The following MTHFD1L variants were observed in gnomAD, a reference collection of about 807,000 sequenced individuals.
The protein encoded by MTHFD1L is methylenetetrahydrofolate dehydrogenase (NADP+ dependent) 1 like.
A neutral mutation model predicts 119.5 loss-of-function variants in MTHFD1L; 81 were observed. The ratio of observed to expected loss-of-function variants is 0.68; its 90% confidence interval spans 0.57 to 0.82. MTHFD1L has a LOEUF of 0.82. MTHFD1L is among the 40% of genes least tolerant of loss of function. The pLI is 0.00. For missense variants in MTHFD1L, 1,125 were observed against 1,253.4 expected, an observed-to-expected ratio of 0.90 and a Z score of 1.55; for synonymous variants, 430 against 475.2, an observed-to-expected ratio of 0.90 and a Z score of 1.24.
At chr6:150,876,542 A>G (rs1780476252) in intron 2 of MTHFD1L, among the ~76,000 whole-genome samples, 1 of 152,246 alleles carries the variant, frequency 6.6e-6, no homozygotes, top group African/African-American at 2.4e-5. Flanking sequence ...CACAGATGCT[A>G]GATGAAACAT....
intron 26 of MTHFD1L, among the ~76,000 whole-genome samples, chr6:151,067,167 C>T (rs6920237): frequency 0.57 from 85,502 of 151,216 alleles, 24,334 homozygotes; most frequent in East Asian, 0.76. Context: ...CTAATTTTTG[C>T]ATTTTTAGTA....
chr6:150,927,614 G>T (rs2128913321), intron 11 of MTHFD1L, among the ~76,000 whole-genome samples: 1 of 152,066 alleles, frequency 6.6e-6, no homozygotes, highest in Non-Finnish European at 1.5e-5. Context: ...GCGCCACCAT[G>T]CCCAGCTAAT....
chr6:150,911,776 A>C (rs2128868773), intron 8 of MTHFD1L, among the ~76,000 whole-genome samples: 1 of 152,278 alleles, frequency 6.6e-6, no homozygotes, highest in African/African-American at 2.4e-5. Flanking sequence ...CGGGAGGTGA[A>C]AAGCACTTCT....
intron 8 of MTHFD1L, among the ~76,000 whole-genome samples, chr6:150,915,013 C>T (rs1346311918): frequency 2.0e-5 from 3 of 152,088 alleles, no homozygotes; most frequent in African/African-American, 4.8e-5. Context: ...AATGGAGTTT[C>T]GACTGGAAAT....
At chr6:151,024,612 T>C (rs1043457642) in intron 24 of MTHFD1L, among the ~76,000 whole-genome samples, 1 of 152,062 alleles carries the variant, frequency 6.6e-6, no homozygotes, top group African/African-American at 2.4e-5. Flanking sequence ...GCAGATCACT[T>C]GAAGTCAGGA....
chr6:151,001,582 G>C (rs1157851993), intron 20 of MTHFD1L, among the ~76,000 whole-genome samples: 1 of 152,116 alleles, frequency 6.6e-6, no homozygotes, highest in African/African-American at 2.4e-5. Context: ...CCCATCCAGC[G>C]AAGGGAGAGC....
At chr6:150,977,148 T>C (rs1776700144) in intron 20 of MTHFD1L, among the ~76,000 whole-genome samples, 1 of 152,184 alleles carries the variant, frequency 6.6e-6, no homozygotes, top group Admixed American at 6.5e-5. Flanking sequence ...TACAATGCAC[T>C]TGATTAAGTA....
At chr6:151,057,199 C>T in intron 26 of MTHFD1L, 2 of 985,208 alleles carry the variant, frequency 2.0e-6, no homozygotes, top group Non-Finnish European at 2.4e-6. Flanking sequence ...TTTCCATGAT[C>T]CTGATTTCTG....
chr6:151,042,826 C>G (rs1479977402), intron 26 of MTHFD1L, among the ~76,000 whole-genome samples: 3 of 152,038 alleles, frequency 2.0e-5, no homozygotes, highest in African/African-American at 7.2e-5. Flanking sequence ...TTCTCTTTTT[C>G]CATATAGATC....
chr6:150,899,390 GA>G (rs1382635898), intron 7 of MTHFD1L, among the ~76,000 whole-genome samples: 1 of 152,118 alleles, frequency 6.6e-6, no homozygotes. Context: ...TTCCTGAAAG[GA>G]AAAAAATTCT....
chr6:151,082,324 C>T (rs1793279592), intron 26 of MTHFD1L, among the ~76,000 whole-genome samples: 1 of 152,198 alleles, frequency 6.6e-6, no homozygotes. Flanking sequence ...TAGAATCACA[C>T]CTGTTTTGAG....
intron 20 of MTHFD1L, among the ~76,000 whole-genome samples, chr6:150,976,120 A>C (rs905960453): frequency 6.6e-6 from 1 of 152,114 alleles, no homozygotes; most frequent in Non-Finnish European, 1.5e-5. Flanking sequence ...GAATCGCTTG[A>C]ACCCCAGGAG....
intron 11 of MTHFD1L, among the ~76,000 whole-genome samples, chr6:150,933,331 A>G (rs1791482176): frequency 2.0e-5 from 3 of 152,256 alleles, no homozygotes; most frequent in African/African-American, 7.2e-5. Flanking sequence ...CGGTACTTAA[A>G]TGACACCATA....
chr6:151,080,613 A>G (rs911351037), intron 26 of MTHFD1L, among the ~76,000 whole-genome samples: 1 of 152,244 alleles, frequency 6.6e-6, no homozygotes, highest in East Asian at 1.9e-4. Context: ...AAATGTCCAC[A>G]TAAGTAAGTG....
intron 26 of MTHFD1L, among the ~76,000 whole-genome samples, chr6:151,083,299 G>A (rs1793396966): frequency 6.6e-6 from 1 of 152,206 alleles, no homozygotes; most frequent in African/African-American, 2.4e-5. Flanking sequence ...CCAGGTTCAA[G>A]CGATTCTCCT....
At chr6:150,980,760 A>T (rs917524274) in intron 20 of MTHFD1L, among the ~76,000 whole-genome samples, 2 of 151,914 alleles carry the variant, frequency 1.3e-5, no homozygotes, top group East Asian at 3.9e-4. Context: ...AAGAGAAGAA[A>T]TCAGATATTA....
intron 25 of MTHFD1L, 93 bp downstream of exon 25, chr6:151,034,693 C>T: frequency 1.3e-6 from 1 of 779,512 alleles, no homozygotes; most frequent in Non-Finnish European, 2.2e-6. Context: ...ATCGCACCAG[C>T]TAACCTTTGC....
Position 150,918,429 on chromosome 6 carries a change from G to A in MTHFD1L, c.893-148G>A, listed in dbSNP as rs116277350. 5.3e-4 allele frequency: 345 copies of A among 649,830 alleles called. 1 individual carries two copies. The African/African-American group carries it at 5.5e-3, about 10-fold the overall frequency. 40.3% of individuals were successfully genotyped at this position (649,830 alleles called of 1,614,324 possible). On this transcript the variant is annotated intron_variant, in intron 8 of 27. Coordinates refer to ENST00000367321, the MANE Select transcript of MTHFD1L (RefSeq NM_015440.5). ...TGGAGGGCCCCAAGCCTGTGCCAGA[G>A]GTGACCAGTCTGCAGCCGTGCCCCG...
intron 26 of MTHFD1L, among the ~76,000 whole-genome samples, chr6:151,079,201 C>T (rs897063150): frequency 1.3e-5 from 2 of 152,012 alleles, no homozygotes; most frequent in African/African-American, 4.8e-5. Context: ...CCTGATCTAA[C>T]CAAAAGTCAT....
Sources: allele counts gnomAD v4.1 joint callset (sites outside exome capture counted in the v4.1 genomes callset), GRCh38; gene constraint gnomAD v4.1.1; transcripts MANE v1.5; gene names NCBI Gene and HGNC (gene_info 2026-07-23, HGNC 2026-07-21).